Variants in ARHGEF25 observed in about 807,000 individuals in gnomAD.
ARHGEF25 encodes the protein RAC/CDC42 exchange factor.
In ARHGEF25, 42 loss-of-function variants were observed where a neutral mutation model predicts 74.0. The observed-to-expected ratio is 0.57, with a 90% CI of 0.44 to 0.73. ARHGEF25 has a LOEUF of 0.73. Ranked by LOEUF, ARHGEF25 falls within the 30% of genes least tolerant of loss-of-function variation. The probability of loss-of-function intolerance (pLI) is 0.00; values close to 1 mark genes in which losing one functional copy is unlikely to be tolerated. For missense variants in ARHGEF25, 645 were observed against 725.5 expected (o/e 0.89, Z 1.27); for synonymous variants, 293 against 278.6 (o/e 1.05, Z -0.51).
rs913544283 is a variant in ARHGEF25 at position 57,611,764 on chromosome 12, C to A, written c.-131C>A. On this transcript the variant is annotated 5_prime_UTR_variant, in exon 1 of 15. Transcript: ENST00000286494. The surrounding 1 kb of genome is among the most constrained non-coding windows in gnomAD (Gnocchi z 4.5). ...GACACCTCCTCCCGGTCCCCTCCCT[C>A]CCCCCCTCCCACAGCCTGGACCGGG... 2.6e-6 allele frequency: 3 copies of A among 1,132,422 alleles called. No homozygotes were observed. The highest frequency in any genetic ancestry group is 1.1e-6 in the Non-Finnish European group (1 of 906,654). The allele number at this position is 1,132,422 out of a possible 1,614,324, so 70.1% of individuals were successfully genotyped here.
chr12:57,614,340 G>A lies in ARHGEF25; in HGVS notation c.666G>A (p.Leu222=). Residue 222 remains leucine, a synonymous_variant, in exon 7 of 15, where the codon TTG becomes TTA. Coordinates refer to ENST00000286494, the MANE Select transcript of ARHGEF25 (RefSeq NM_182947.4). The surrounding 1 kb of genome is among the most constrained non-coding windows in gnomAD (Gnocchi z 4.6). Reference sequence around the variant, plus strand: ...CTACCAACCCCTCCAGCTATTTCTTGCAAGAGCTACAACGGTGTCTGAAAG... The same window carrying A: ...CTACCAACCCCTCCAGCTATTTCTTACAAGAGCTACAACGGTGTCTGAAAG... The part of the protein sequence containing the change: ...QIYEWHRDYF[L]QELQRCLKDP... 6.2e-7 allele frequency: 1 copy of A among 1,614,124 alleles called. No individual in the cohort carries two copies. The highest frequency in any genetic ancestry group is 8.5e-7 in the Non-Finnish European group (1 of 1,180,024).
chr12:57,616,735 G>T, intron 14 of ARHGEF25, 49 bp from the exon 15 acceptor site: 2 of 1,328,908 alleles, frequency 1.5e-6, no homozygotes, highest in Non-Finnish European at 2.1e-6. Flanking sequence ...AGAGAAGTGA[G>T]GGTAGATTTC....
upstream of ARHGEF25, among the ~76,000 whole-genome samples, chr12:57,611,000 G>T (rs953116879): frequency 2.6e-5 from 4 of 152,202 alleles, no homozygotes; most frequent in Non-Finnish European, 1.5e-5. Flanking sequence ...GGTCCTGAGA[G>T]AGGGCGGCAT....
At chr12:57,610,785 T>C (rs1294119617), upstream of ARHGEF25, 11 of 969,532 alleles carry the variant, frequency 1.1e-5, no homozygotes, top group Non-Finnish European at 1.5e-5. Flanking sequence ...CGCATCTAAT[T>C]TGCATGAGAC....
intron 13 of ARHGEF25, 24 bp downstream of exon 13, chr12:57,616,041 C>G (rs370911653): frequency 1.3e-6 from 2 of 1,599,144 alleles, no homozygotes; most frequent in Admixed American, 3.4e-5. Context: ...CCTTTCTTCC[C>G]GATGTGCTCT....
Position 57,614,509 on chromosome 12 carries a change from CT to C in ARHGEF25, c.727-6del, listed in dbSNP as rs1884193879. 1 of 1,613,972 alleles carries C rather than the reference CT, an allele frequency of 6.2e-7. No individual in the cohort carries two copies. Among genetic ancestry groups the C allele is most frequent in the South Asian group, 1.1e-5 (1 of 91,076 alleles). ...CCCTGCTCTCTCTTAAACATTACCC[CT>C]GTTAGGAGCGCCGGCTGCATATGTA... On this transcript the variant is annotated splice_region_variant and splice_polypyrimidine_tract_variant and intron_variant, in intron 7 of 14. Transcript: ENST00000286494. This position sits in a 1 kb window ranked among gnomAD's most constrained non-coding sequence, Gnocchi z 4.6.
At position 57,611,828 on chromosome 12, in the gene ARHGEF25, G is replaced by A; in HGVS notation, c.-67G>A. The A allele has an allele frequency of 3.4e-6, 4 of 1,185,282 alleles. No homozygotes were observed. Among genetic ancestry groups the A allele is most frequent in the East Asian group, 6.5e-5 (2 of 30,722 alleles). 73.4% of individuals were successfully genotyped at this position (1,185,282 alleles called of 1,614,324 possible). ...GGGGTGTGCGCCCGGCGCCGTCCCC[G>A]CCCCGCCCCCCGTGATTCCCCCTGC... On this transcript the variant is annotated 5_prime_UTR_variant, in exon 1 of 15. Coordinates refer to ENST00000286494, the MANE Select transcript of ARHGEF25 (RefSeq NM_182947.4). The surrounding 1 kb of genome is among the most constrained non-coding windows in gnomAD (Gnocchi z 4.5).
chr12:57,610,255 C>T (rs751494188), upstream of ARHGEF25: 16 of 1,595,804 alleles, frequency 1.0e-5, no homozygotes, highest in Admixed American at 2.8e-4. Flanking sequence ...GCCGCACTGA[C>T]CGGATACTGG....
rs770383336 is a variant in ARHGEF25 at position 57,613,071 on chromosome 12, G to A, written c.239G>A (p.Arg80Lys). ...GPPGPVSGLR[R>K]WLDHSKHCLS... ...CCAGGGCCCGTCAGTGGCCTGAGGAGATGGTTGGATCATTCCAAACATTGT... is the reference window on the plus strand; with the variant it reads ...CCAGGGCCCGTCAGTGGCCTGAGGAAATGGTTGGATCATTCCAAACATTGT... The change falls in exon 2 of 15, where the codon AGA (arginine) becomes AAA (lysine). Residue 80 changes from arginine to lysine, a missense_variant. By Grantham distance (26) the Arg-to-Lys change is conservative (BLOSUM62 2). Around this residue, in one of 3 missense-constraint regions of ARHGEF25, gnomAD observed 189 missense variants for 199.1 expected, o/e 0.95. Transcript: ENST00000286494. 3.7e-6 allele frequency: 6 copies of A among 1,614,160 alleles called. No individual in the cohort carries two copies. The highest frequency in any genetic ancestry group is 4.2e-6 in the Non-Finnish European group (5 of 1,180,008).
chr12:57,614,494 T>C lies in ARHGEF25; in HGVS notation c.727-22T>C. ...CTCCCTCCTTGCCCACCCTGCTCTC[T>C]CTTAAACATTACCCCTGTTAGGAGC... is the stretch of plus-strand genomic sequence containing the variant. On this transcript the variant is annotated intron_variant, in intron 7 of 14. Transcript: ENST00000286494. This position sits in a 1 kb window ranked among gnomAD's most constrained non-coding sequence, Gnocchi z 4.6. 6.2e-7 allele frequency: 1 copy of C among 1,614,112 alleles called. No homozygotes were observed. Among genetic ancestry groups the C allele is most frequent in the Non-Finnish European group, 8.5e-7 (1 of 1,180,016 alleles).
chr12:57,615,635 A>G lies in ARHGEF25; in HGVS notation c.1162A>G (p.Ile388Val), dbSNP rs1481423058. The change falls in exon 12 of 15, where the codon ATC becomes GTC. Residue 388 changes from isoleucine (I) to valine (V), a missense_variant. This residue lies in a region of ARHGEF25 where 262 missense variants were observed against 256.9 expected (regional missense o/e 1.02). Transcript: ENST00000286494. ...GCGCGTCTTCCTCTTTGAGCAAATCATCATCTTCAGTGAAGCCCTGGGAGG... is the reference window on the plus strand; with the variant it reads ...GCGCGTCTTCCTCTTTGAGCAAATCGTCATCTTCAGTGAAGCCCTGGGAGG... ...ERRVFLFEQI[I>V]IFSEALGGGV... The G allele has an allele frequency of 1.9e-6, 3 of 1,614,008 alleles. No homozygotes were observed. The highest frequency in any genetic ancestry group is 4.5e-5 in the East Asian group (2 of 44,888).
intron 3 of ARHGEF25, 33 bp from the exon 4 acceptor site, chr12:57,613,407 G>A (rs374927200): frequency 9.3e-6 from 15 of 1,614,046 alleles, no homozygotes; most frequent in East Asian, 2.2e-5. Context: ...AGGGGCATTC[G>A]TTTGCTCACC....
chr12:57,614,902 G>A lies in ARHGEF25; in HGVS notation c.910-65G>A. ...AGGGCCCTCACTGGTGTCCTCAGGG[G>A]AGGATGTGAGAGCTTCTAAGGGTGT... On this transcript the variant is annotated intron_variant, in intron 9 of 14. Transcript: ENST00000286494. This position sits in a 1 kb window ranked among gnomAD's most constrained non-coding sequence, Gnocchi z 4.6. 4 of 1,592,020 alleles carry A rather than the reference G, an allele frequency of 2.5e-6. No homozygotes were observed. In the South Asian group the frequency reaches 4.5e-5, roughly 18 times the overall value.
chr12:57,616,104 C>A, intron 13 of ARHGEF25, 87 bp downstream of exon 13: 2 of 1,520,180 alleles, frequency 1.3e-6, no homozygotes, highest in Non-Finnish European at 1.8e-6. Context: ...AGTACCTACC[C>A]TCTGACCATG....
chr12:57,611,520 C>T lies in ARHGEF25; in HGVS notation c.-375C>T. ...CCTCCTCCCCGGCCCGGGCCTAGAG[C>T]CACCCCTAACCAGAGGCCGGAGACA... On this transcript the variant is annotated 5_prime_UTR_variant, in exon 1 of 15. Transcript: ENST00000286494. This position sits in a 1 kb window ranked among gnomAD's most constrained non-coding sequence, Gnocchi z 4.5. The T allele has an allele frequency of 1.0e-6, 1 of 987,384 alleles. No individual in the cohort carries two copies. Among genetic ancestry groups the T allele is most frequent in the Non-Finnish European group, 1.2e-6 (1 of 831,256 alleles). 61.2% of individuals were successfully genotyped at this position (987,384 alleles called of 1,614,324 possible).
chr12:57,613,588 T>G, intron 4 of ARHGEF25, 72 bp downstream of exon 4: 2 of 1,611,892 alleles, frequency 1.2e-6, no homozygotes, highest in Non-Finnish European at 1.7e-6. Context: ...TAGATGGAAT[T>G]TCCTCCAAGG....
rs746206067 is a variant in ARHGEF25 at position 57,614,108 on chromosome 12, G to A, written c.645G>A (p.Glu215=). The A allele has an allele frequency of 6.2e-7, 1 of 1,614,152 alleles. No homozygotes were observed. The highest frequency in any genetic ancestry group is 1.1e-5 in the South Asian group (1 of 91,070). The stretch of plus-strand genomic sequence containing the variant: ...TTGGGAATATCCAGCAAATCTATGA[G>A]TGGCACCGAGAGTGAGTGGTGGAAC... ...IVFGNIQQIY[E]WHRDYFLQEL... The change falls in exon 6 of 15, where the codon GAG becomes GAA. Residue 215 remains glutamate, a synonymous_variant. Transcript: ENST00000286494. The surrounding 1 kb of genome is among the most constrained non-coding windows in gnomAD (Gnocchi z 4.6).
Position 57,611,904 on chromosome 12 carries a change from G to A in ARHGEF25, c.10G>A (p.Gly4Arg), listed in dbSNP as rs748042670. The change falls in exon 1 of 15, where the codon GGG (glycine) becomes AGG (arginine). Residue 4 changes from glycine (G) to arginine (R), a missense_variant. Around this residue, in one of 3 missense-constraint regions of ARHGEF25, gnomAD observed 189 missense variants for 199.1 expected, o/e 0.95. Coordinates refer to ENST00000286494, the MANE Select transcript of ARHGEF25 (RefSeq NM_182947.4). This position sits in a 1 kb window ranked among gnomAD's most constrained non-coding sequence, Gnocchi z 4.5. Reference protein sequence around the residue: MRGGHKGGRCACPR... With the variant: MRGRHKGGRCACPR... ...GGGGGGCCCGGGCGCCATGCGGGGG[G>A]GGCACAAAGGGGGTCGCTGTGCCTG... 9.5e-6 allele frequency: 12 copies of A among 1,259,518 alleles called. No homozygotes were observed. Among genetic ancestry groups the A allele is most frequent in the African/African-American group, 7.7e-5 (5 of 65,332 alleles). The allele number at this position is 1,259,518 out of a possible 1,614,324, so 78.0% of individuals were successfully genotyped here.
rs749604948 is a variant in ARHGEF25, at chr12:57,615,691, T to C, written c.1218T>C (p.Tyr406=). Residue 406 remains tyrosine (Y), a synonymous_variant, in exon 12 of 15, where the codon TAT becomes TAC. Coordinates refer to ENST00000286494, the MANE Select transcript of ARHGEF25 (RefSeq NM_182947.4). ...GGVRGGTQPG[Y]VYKNSIKVSC... ...TGAGAGGTGGAACACAGCCTGGATA[T>C]GTATACAAGAACAGCATTAAGGTGG... The C allele has an allele frequency of 2.4e-5, 39 of 1,613,926 alleles. No homozygotes were observed. The South Asian group carries it at 4.0e-4, about 16-fold the overall frequency.
Sources: allele counts gnomAD v4.1 joint callset (sites outside exome capture counted in the v4.1 genomes callset), GRCh38; gene constraint gnomAD v4.1.1; regional missense constraint gnomAD v4.1.1; non-coding constraint Gnocchi (gnomAD v3.1); transcripts MANE v1.5; gene names NCBI Gene and HGNC (gene_info 2026-07-23, HGNC 2026-07-21).